Variants in NPAS3 observed in about 807,000 individuals in gnomAD.
NPAS3 encodes the protein neuronal PAS domain protein 3.
A neutral mutation model predicts 73.1 loss-of-function variants in NPAS3; 14 were observed. That is an observed-to-expected ratio of 0.19 (90% CI 0.13 to 0.30). The LOEUF is 0.30. Ranked by LOEUF, NPAS3 falls within the 10% of genes least tolerant of loss-of-function variation. The pLI is 1.00. For synonymous variants in NPAS3, 620 were observed against 541.5 expected (o/e 1.14, Z -2.01); for missense variants, 1,096 against 1,250.0 (o/e 0.88, Z 1.86).
chr14:33,667,691 C>A (rs1567107729), intron 5 of NPAS3, among the ~76,000 whole-genome samples: 1 of 152,146 alleles, frequency 6.6e-6, no homozygotes, highest in Non-Finnish European at 1.5e-5. Context: ...GTATATTAGG[C>A]CTTTTTCTTA....
chr14:33,272,390 C>T (rs1005857816), intron 3 of NPAS3, among the ~76,000 whole-genome samples: 5 of 151,980 alleles, frequency 3.3e-5, no homozygotes, highest in South Asian at 2.1e-4. Context: ...CTTAGAAGGG[C>T]CAGATGAGAA....
chr14:33,008,328 TATACA>T (rs774347580), intron 1 of NPAS3, among the ~76,000 whole-genome samples: 3 of 152,274 alleles, frequency 2.0e-5, no homozygotes, highest in East Asian at 1.9e-4. Context: ...TAGAGTAACA[TATACA>T]ATACAACACT....
At chr14:33,610,485 C>T (rs1032160683) in intron 5 of NPAS3, among the ~76,000 whole-genome samples, 4 of 152,072 alleles carry the variant, frequency 2.6e-5, no homozygotes, top group Non-Finnish European at 4.4e-5. Flanking sequence ...CCAAGACCTA[C>T]AGTTAGAAAT....
At position 33,456,416 on chromosome 14, in the gene NPAS3, A is replaced by G. The variant is rs150596027; in HGVS notation, c.468+89148A>G. On this transcript the variant is annotated intron_variant, in intron 4 of 11. Transcript: ENST00000356141. Reference sequence around the variant, plus strand: ...TAAAACTGTAGGAATAGCAACATGCATGAAATTTTAAAATGGGGCAGCTCT... The same window carrying G: ...TAAAACTGTAGGAATAGCAACATGCGTGAAATTTTAAAATGGGGCAGCTCT... Among the ~76,000 whole-genome samples, 544 of 152,300 alleles carry G rather than the reference A, an allele frequency of 3.6e-3. 4 individuals are homozygous for G. Among genetic ancestry groups the G allele is most frequent in the African/African-American group, 0.012 (492 of 41,580 alleles).
chr14:32,937,921 G>T (rs1273057551), upstream of NPAS3, among the ~76,000 whole-genome samples: 1 of 152,138 alleles, frequency 6.6e-6, no homozygotes, highest in African/African-American at 2.4e-5. Context: ...GTCTACCCAG[G>T]TAACAGGATT....
chr14:32,951,058 G>T lies in NPAS3; in HGVS notation c.50+11692G>T, dbSNP rs140882877. Among the ~76,000 whole-genome samples, 1,297 of 152,208 alleles carry T rather than the reference G, an allele frequency of 8.5e-3. 18 individuals are homozygous for T. Among genetic ancestry groups the T allele is most frequent in the African/African-American group, 0.03 (1,238 of 41,542 alleles). ...CATTATGAATTACCACTGGTTACTT[G>T]CTGCTTGGGAACTAGTGCAGCAGCA... is the stretch of plus-strand genomic sequence containing the variant. On this transcript the variant is annotated intron_variant, in intron 1 of 11. Transcript: ENST00000356141.
chr14:32,971,559 A>AT (rs750633603), intron 1 of NPAS3, among the ~76,000 whole-genome samples: 2 of 152,230 alleles, frequency 1.3e-5, no homozygotes, highest in Non-Finnish European at 2.9e-5. Flanking sequence ...GCCTACTTTC[A>AT]TAAGTGAAAA....
At chr14:33,694,095 A>G (rs934157052) in intron 6 of NPAS3, among the ~76,000 whole-genome samples, 1 of 152,164 alleles carries the variant, frequency 6.6e-6, no homozygotes, top group African/African-American at 2.4e-5. Context: ...AATGTTGTCA[A>G]CATGTATCAG....
intron 5 of NPAS3, among the ~76,000 whole-genome samples, chr14:33,589,680 A>G (rs1017593340): frequency 2.0e-5 from 3 of 151,996 alleles, no homozygotes; most frequent in Admixed American, 2.0e-4. Flanking sequence ...ATCATACTTG[A>G]AAAAAAGATA....
chr14:33,544,806 A>ATGTG (rs1479406872), intron 4 of NPAS3, among the ~76,000 whole-genome samples: 1,033 of 80,680 alleles, frequency 0.013, 89 homozygotes, highest in African/African-American at 0.079. Flanking sequence ...ATATATATAT[A>ATGTG]TATATGTATA....
At chr14:33,130,906 A>C (rs1282252571) in intron 2 of NPAS3, among the ~76,000 whole-genome samples, 1 of 152,158 alleles carries the variant, frequency 6.6e-6, no homozygotes, top group South Asian at 2.1e-4. Flanking sequence ...TGTTATAAGA[A>C]ACCTTCAATT....
At chr14:33,067,951 T>A (rs79235529) in intron 2 of NPAS3, among the ~76,000 whole-genome samples, 4 of 152,206 alleles carry the variant, frequency 2.6e-5, no homozygotes, top group Non-Finnish European at 5.9e-5. Context: ...ATATTTTCTT[T>A]TAAAACTTCC....
chr14:33,344,655 C>T (rs2044643486), intron 3 of NPAS3, among the ~76,000 whole-genome samples: 1 of 152,178 alleles, frequency 6.6e-6, no homozygotes. Flanking sequence ...AAATAAAATA[C>T]TGTATACTAG....
intron 1 of NPAS3, among the ~76,000 whole-genome samples, chr14:32,939,756 G>T (rs2035899125): frequency 6.6e-6 from 1 of 152,002 alleles, no homozygotes; most frequent in South Asian, 2.1e-4. Flanking sequence ...GCCGCCGCAG[G>T]TCCCCTAGCA....
intron 1 of NPAS3, among the ~76,000 whole-genome samples, chr14:32,943,149 A>G (rs901066134): frequency 2.6e-5 from 4 of 152,184 alleles, no homozygotes; most frequent in African/African-American, 7.2e-5. Flanking sequence ...CAAATGAGCA[A>G]ACTTGAATTC....
rs1567008128 is a variant in NPAS3, at chr14:33,563,539, G to GACACACAC, written c.558+3330_558+3331insCACACACA. 2.9e-5 allele frequency among the ~76,000 whole-genome samples: 3 copies of GACACACAC among 103,928 alleles called. No homozygotes were observed. In the South Asian group the frequency reaches 9.6e-4, roughly 33 times the overall value. The allele number at this position is 103,928 out of a possible 152,430, so 68.2% of individuals were successfully genotyped here. On this transcript the variant is annotated intron_variant, in intron 5 of 11. Coordinates refer to ENST00000356141, the Ensembl canonical transcript of NPAS3. ...ACATACACACACACACACACACACA[G>GACACACAC]AGAGAGAGAGAGAGAGAGAGAGAGA...
At chr14:33,332,796 G>A (rs17100666) in intron 3 of NPAS3, among the ~76,000 whole-genome samples, 2 of 152,250 alleles carry the variant, frequency 1.3e-5, no homozygotes, top group African/African-American at 2.4e-5. Context: ...AAGCAAACAC[G>A]GGTTGGTCTA....
At chr14:33,044,654 G>GT (rs11408612) in intron 1 of NPAS3, among the ~76,000 whole-genome samples, 34,281 of 138,430 alleles carry the variant, frequency 0.25, 4,421 homozygotes, top group Admixed American at 0.32. Flanking sequence ...GAGTTAGTTT[G>GT]TTTTTTTTTT....
At chr14:33,615,876 A>G (rs796990377) in intron 5 of NPAS3, among the ~76,000 whole-genome samples, 1 of 152,140 alleles carries the variant, frequency 6.6e-6, no homozygotes, top group South Asian at 2.1e-4. Flanking sequence ...AAAGAAAAAT[A>G]CCCGAGGCAA....
Sources: gnomAD v4.1 joint callset for allele counts (sites outside exome capture counted in the v4.1 genomes callset) on GRCh38, gnomAD v4.1.1 for gene constraint, MANE v1.5 for transcripts, NCBI Gene and HGNC (gene_info 2026-07-23, HGNC 2026-07-21) for gene names.